Variants in UMPS observed in about 807,000 individuals in gnomAD.
UMPS encodes uridine 5'-monophosphate synthase.
In UMPS, 21 loss-of-function variants were observed where a neutral mutation model predicts 38.9. The observed-to-expected ratio is 0.54, with a 90% CI of 0.38 to 0.78. UMPS has a LOEUF of 0.78. Among genes scored for constraint, UMPS ranks in the 30% least tolerant of loss-of-function variants. The pLI, the probability that UMPS is intolerant of heterozygous loss-of-function variation, is 0.00. For missense variants in UMPS, 533 were observed against 591.6 expected (o/e 0.90, Z 1.03); for synonymous variants, 208 against 219.3 (o/e 0.95, Z 0.45).
At chr3:124,739,898 A>G in intron 3 of UMPS, 126 bp from the exon 4 acceptor site, 1 of 920,334 alleles carries the variant, frequency 1.1e-6, no homozygotes, top group South Asian at 1.4e-5. Flanking sequence ...AAGTTCCTGA[A>G]GAGTTTTGAT....
chr3:124,745,602 C>T lies in UMPS; in HGVS notation c.*1518C>T, dbSNP rs965080031. 3 of 453,904 alleles carry T rather than the reference C, an allele frequency of 6.6e-6. No homozygotes were observed. Among genetic ancestry groups the T allele is most frequent in the African/African-American group, 2.0e-5 (1 of 49,962 alleles). 28.1% of individuals were successfully genotyped at this position (453,904 alleles called of 1,614,324 possible). ...AAAGTCCAATTTGGGCTTCATGTCC[C>T]CAGTGCTGCATCTCCAGGGAAATGC... On this transcript the variant is annotated 3_prime_UTR_variant, in exon 6 of 6. Transcript: ENST00000232607.
chr3:124,748,569 G>T lies in UMPS; in HGVS notation c.*4485G>T, dbSNP rs591896. 0.011 allele frequency: 4,840 copies of T among 454,100 alleles called. 180 individuals are homozygous for T. The highest frequency in any genetic ancestry group is 0.088 in the African/African-American group (4,387 of 50,098). 28.1% of individuals were successfully genotyped at this position (454,100 alleles called of 1,614,324 possible). Reference sequence around the variant, plus strand: ...GTCTTCCTCTAGACAAGAGGCAGAGGGCTCCTCAGAGTCAGATCCTGGTGT... The same window carrying T: ...GTCTTCCTCTAGACAAGAGGCAGAGTGCTCCTCAGAGTCAGATCCTGGTGT... On this transcript the variant is annotated 3_prime_UTR_variant, in exon 6 of 6. Coordinates refer to ENST00000232607, the MANE Select transcript of UMPS (RefSeq NM_000373.4).
In UMPS at chr3:124,742,241, T is replaced by G. The variant is rs1337041744; in HGVS notation, c.1248T>G (p.Thr416=). 4 of 1,613,988 alleles carry G rather than the reference T, an allele frequency of 2.5e-6. No individual in the cohort carries two copies. In the African/African-American group the frequency reaches 4.0e-5, roughly 16 times the overall value. ...VSMKPEFLHL[T]PGVQLEAGGD... ...TGAAACCAGAATTTCTTCACTTGAC[T>G]CCAGGAGTTCAGTTGGAAGCAGGAG... is the stretch of plus-strand genomic sequence containing the variant. The change falls in exon 5 of 6, where the codon ACT becomes ACG. Residue 416 remains threonine, a synonymous_variant. Transcript: ENST00000232607.
Position 124,740,196 on chromosome 3 carries a change from A to C in UMPS, c.1155A>C (p.Ala385=), listed in dbSNP as rs1475860318. ...GSLATGDYTR[A]AVRMAEEHSE... The stretch of plus-strand genomic sequence containing the variant: ...TGGCCACTGGGGACTACACTAGAGC[A>C]GCGGTAAGTGGTGGGGGGACTGGGT... Residue 385 remains alanine (A), a synonymous_variant, in exon 4 of 6, where the codon GCA becomes GCC. Coordinates refer to ENST00000232607, the MANE Select transcript of UMPS (RefSeq NM_000373.4). 1 of 1,609,886 alleles carries C rather than the reference A, an allele frequency of 6.2e-7. No homozygotes were observed. The highest frequency in any genetic ancestry group is 1.3e-5 in the African/African-American group (1 of 74,772).
chr3:124,737,330 A>G, intron 2 of UMPS: 2 of 495,712 alleles, frequency 4.0e-6, no homozygotes, highest in South Asian at 5.1e-5. Flanking sequence ...ATAATGTGAA[A>G]TAATTTACTT....
At chr3:124,742,465 G>C (rs1340021737) in intron 5 of UMPS, 199 bp downstream of exon 5, 4 of 599,134 alleles carry the variant, frequency 6.7e-6, no homozygotes, top group Non-Finnish European at 1.2e-5. Context: ...TGTAAAATGG[G>C]GATGATAACA....
Position 124,747,564 on chromosome 3 carries a change from C to T in UMPS, c.*3480C>T, listed in dbSNP as rs1364846995. On this transcript the variant is annotated 3_prime_UTR_variant, in exon 6 of 6. Transcript: ENST00000232607. ...GCAAGAGAAAGTAGAGCAGAGCCTACTCCAGCCTCCCCCGTCCAATGTATG... is the reference window on the plus strand; with the variant it reads ...GCAAGAGAAAGTAGAGCAGAGCCTATTCCAGCCTCCCCCGTCCAATGTATG... 2 of 453,606 alleles carry T rather than the reference C, an allele frequency of 4.4e-6. No individual in the cohort carries two copies. The highest frequency in any genetic ancestry group is 8.8e-6 in the Non-Finnish European group (2 of 226,436). 28.1% of individuals were successfully genotyped at this position (453,606 alleles called of 1,614,324 possible).
rs1397116204 is a variant in UMPS at position 124,745,224 on chromosome 3, C to T, written c.*1140C>T. 1 of 454,116 alleles carries T rather than the reference C, an allele frequency of 2.2e-6. No individual in the cohort carries two copies. The highest frequency in any genetic ancestry group is 4.4e-6 in the Non-Finnish European group (1 of 226,794). The allele number at this position is 454,116 out of a possible 1,614,324, so 28.1% of individuals were successfully genotyped here. ...TGTTTGAGCAGGGGCAGGGTGAGGG[C>T]TGTCCCGGTGCTCATTGCACCAGCA... On this transcript the variant is annotated 3_prime_UTR_variant, in exon 6 of 6. Coordinates refer to ENST00000232607, the MANE Select transcript of UMPS (RefSeq NM_000373.4).
intron 1 of UMPS, among the ~76,000 whole-genome samples, chr3:124,731,789 C>T (rs1406026951): frequency 1.3e-5 from 2 of 151,310 alleles, no homozygotes; most frequent in African/African-American, 4.9e-5. Flanking sequence ...CCCAGCTACT[C>T]AGGAGGCTGA....
chr3:124,735,091 A>T lies in UMPS; in HGVS notation c.157-2A>T, dbSNP rs1267724665. ...ATTGTTTATGTGTTCATTTTCTTAC[A>T]GGTTGCAGATATTTTATTCCAAACT... On this transcript the variant is annotated splice_acceptor_variant, in intron 1 of 5. Transcript: ENST00000232607. LOFTEE classifies it high-confidence loss of function. 6.2e-7 allele frequency: 1 copy of T among 1,612,864 alleles called. No homozygotes were observed. Among genetic ancestry groups the T allele is most frequent in the African/African-American group, 1.3e-5 (1 of 74,908 alleles).
Position 124,744,741 on chromosome 3 carries a change from A to G in UMPS, c.*657A>G, listed in dbSNP as rs2063583853. 1 of 454,082 alleles carries G rather than the reference A, an allele frequency of 2.2e-6. No homozygotes were observed. Among genetic ancestry groups the G allele is most frequent in the Non-Finnish European group, 4.4e-6 (1 of 226,780 alleles). 28.1% of individuals were successfully genotyped at this position (454,082 alleles called of 1,614,324 possible). A position where few individuals can be genotyped will look rare whatever the true frequency, so the allele number is the denominator to read the frequency against. On this transcript the variant is annotated 3_prime_UTR_variant, in exon 6 of 6. Coordinates refer to ENST00000232607, the MANE Select transcript of UMPS (RefSeq NM_000373.4). ...AGTAAGACAAAAATTCTAGGGCACC[A>G]AGAGGCTAAAGTCAGCACAGCTTTT...
intron 2 of UMPS, among the ~76,000 whole-genome samples, chr3:124,736,808 A>G (rs1312261160): frequency 6.6e-6 from 1 of 152,262 alleles, no homozygotes; most frequent in East Asian, 1.9e-4. Flanking sequence ...TGATGAGTCT[A>G]AAGTCTACAG....
At chr3:124,735,071 T>G in intron 1 of UMPS, 22 bp from the exon 2 acceptor site, 2 of 1,606,526 alleles carry the variant, frequency 1.2e-6, no homozygotes, top group Non-Finnish European at 1.7e-6. Flanking sequence ...AAAACATTGT[T>G]TATGTGTTCA....
In UMPS at chr3:124,730,603, G is replaced by A; in HGVS notation, c.132G>A (p.Val44=). The A allele has an allele frequency of 6.2e-7, 1 of 1,611,926 alleles. No homozygotes were observed. Among genetic ancestry groups the A allele is most frequent in the Non-Finnish European group, 8.5e-7 (1 of 1,178,168 alleles). ...SPIYIDLRGI[V]SRPRLLSQVA... is the part of the protein sequence containing the mutation. Reference sequence around the variant, plus strand: ...TCTACATCGATCTGCGGGGCATCGTGTCTCGACCGCGTCTTCTGAGTCAGG... The same window carrying A: ...TCTACATCGATCTGCGGGGCATCGTATCTCGACCGCGTCTTCTGAGTCAGG... Residue 44 remains valine, a synonymous_variant, in exon 1 of 6, where the codon GTG becomes GTA. Transcript: ENST00000232607.
At chr3:124,740,671 TA>T (rs1478921066) in intron 4 of UMPS, among the ~76,000 whole-genome samples, 2 of 152,214 alleles carry the variant, frequency 1.3e-5, no homozygotes, top group East Asian at 1.9e-4. Context: ...AAAATTGCCA[TA>T]GGGGGCTGGG....
In UMPS at chr3:124,746,120, A is replaced by G. The variant is rs1211026340; in HGVS notation, c.*2036A>G. On this transcript the variant is annotated 3_prime_UTR_variant, in exon 6 of 6. Transcript: ENST00000232607. ...AGGTCTGCCTCCTGCTAAGAGTCAC[A>G]TGCTCCTGTCCTTTAGAAATGTGGG... 4.4e-6 allele frequency: 2 copies of G among 454,048 alleles called. No homozygotes were observed. Among genetic ancestry groups the G allele is most frequent in the Admixed American group, 4.7e-5 (2 of 42,578 alleles). 28.1% of individuals were successfully genotyped at this position (454,048 alleles called of 1,614,324 possible).
Position 124,747,474 on chromosome 3 carries a change from C to A in UMPS, c.*3390C>A, listed in dbSNP as rs770941425. On this transcript the variant is annotated 3_prime_UTR_variant, in exon 6 of 6. Coordinates refer to ENST00000232607, the MANE Select transcript of UMPS (RefSeq NM_000373.4). ...ACCCAAACTCTCGTGTTTCTGCTCA[C>A]CCCTCTCTGGCTTCTGCCACCACAT... 2.4e-5 allele frequency: 11 copies of A among 454,014 alleles called. No individual in the cohort carries two copies. The highest frequency in any genetic ancestry group is 4.8e-5 in the Non-Finnish European group (11 of 226,806). The allele number at this position is 454,014 out of a possible 1,614,324, so 28.1% of individuals were successfully genotyped here.
chr3:124,735,289 A>G, intron 2 of UMPS, 43 bp downstream of exon 2: 4 of 1,563,420 alleles, frequency 2.6e-6, no homozygotes, highest in Non-Finnish European at 3.5e-6. Context: ...ATTAATCTGT[A>G]ACATCATACT....
intron 2 of UMPS, among the ~76,000 whole-genome samples, chr3:124,735,838 G>A (rs187212996): frequency 6.4e-4 from 97 of 152,328 alleles, no homozygotes; most frequent in African/African-American, 2.2e-3. Flanking sequence ...TTAGCTGGGC[G>A]TGGTGGTATG....
Sources: gnomAD v4.1 joint callset for allele counts (sites outside exome capture counted in the v4.1 genomes callset) on GRCh38, gnomAD v4.1.1 for gene constraint, MANE v1.5 for transcripts, NCBI Gene and HGNC (gene_info 2026-07-23, HGNC 2026-07-21) for gene names.